Variants in ACIN1 observed in about 807,000 individuals in gnomAD.
ACIN1 encodes the protein apoptotic chromatin condensation inducer 1.
Under a neutral mutation model 146.6 loss-of-function variants are expected in ACIN1, and 16 were observed. That is an observed-to-expected ratio of 0.11 (90% CI 0.07 to 0.17). ACIN1 has a LOEUF of 0.17. Among genes scored for constraint, ACIN1 ranks in the 10% least tolerant of loss-of-function variants. The pLI is 1.00. For missense variants in ACIN1, 1,357 were observed against 1,609.3 expected (o/e 0.84, Z 2.68); for synonymous variants, 569 against 582.7 (o/e 0.98, Z 0.34).
chr14:23,094,886 G>C (rs1021269460), intron 1 of ACIN1, 89 bp downstream of exon 1: 1 of 1,488,502 alleles, frequency 6.7e-7, no homozygotes, highest in Non-Finnish European at 8.9e-7. Context: ...AGCTCGCGCC[G>C]AGCCCGGATA....
At chr14:23,076,899 A>C (rs953479319) in intron 8 of ACIN1, among the ~76,000 whole-genome samples, 9 of 152,212 alleles carry the variant, frequency 5.9e-5, no homozygotes, top group Non-Finnish European at 1.2e-4. Flanking sequence ...CTGAGTTTTC[A>C]CTTTATGGTC....
rs869139736 is a variant in ACIN1, at chr14:23,066,026, A to AG, written c.2266-19dup. The AG allele has an allele frequency of 1.2e-6, 2 of 1,611,526 alleles. No homozygotes were observed. Among genetic ancestry groups the AG allele is most frequent in the Non-Finnish European group, 1.7e-6 (2 of 1,177,972 alleles). ...AGCGAGCTCTGTATGAAGAAGAAAA[A>AG]GGGGAAAAAAAAGAGAAAGAGAGAC... On this transcript the variant is annotated intron_variant, in intron 9 of 18. Transcript: ENST00000605057.
At chr14:23,077,192 G>T (rs550688539) in intron 8 of ACIN1, among the ~76,000 whole-genome samples, 1 of 152,194 alleles carries the variant, frequency 6.6e-6, no homozygotes, top group Non-Finnish European at 1.5e-5. Context: ...CCAAAAGTCA[G>T]AGTTAAAGTA....
rs1030604056 is a variant in ACIN1, at chr14:23,062,213, C to A, written c.3054G>T (p.Gln1018His). The A allele has an allele frequency of 1.9e-6, 3 of 1,613,954 alleles. No individual in the cohort carries two copies. The highest frequency in any genetic ancestry group is 8.5e-7 in the Non-Finnish European group (1 of 1,180,028). ...RTALHGVKWP[Q>H]SNPKFLCADY... ...CAGCACAAAGGAATTTGGGATTGGA[C>A]TGGGGCCATTTGACCCCGTGCAGAG... The change falls in exon 16 of 19, where the codon CAG (glutamine) becomes CAT (histidine). Residue 1018 changes from glutamine to histidine, a missense_variant. By Grantham distance (24) the Gln-to-His change is conservative (BLOSUM62 0). Around this residue, in one of 4 missense-constraint regions of ACIN1, gnomAD observed 509 missense variants for 719.6 expected, o/e 0.71. Coordinates refer to ENST00000605057, the MANE Select transcript of ACIN1 (RefSeq NM_001386863.1).
Position 23,078,256 on chromosome 14 carries a change from T to G in ACIN1, c.2018A>C (p.Lys673Thr), listed in dbSNP as rs2047851171. The G allele has an allele frequency of 1.2e-6, 2 of 1,614,022 alleles. No homozygotes were observed. Among genetic ancestry groups the G allele is most frequent in the Non-Finnish European group, 1.7e-6 (2 of 1,179,998 alleles). ...CTCTGCCTCTTCAGCTTCACACTTC[T>G]TTGGGCTCCCCTGTCAGGAGATAGC... ...QRLQPERGSP[K>T]KCEAEEAEPP... Residue 673 changes from lysine to threonine, a missense_variant, in exon 8 of 19, where the codon AAG (lysine) becomes ACG (threonine). Lys to Thr is a moderately conservative substitution (Grantham distance 78, BLOSUM62 -1). This residue lies in a region of ACIN1 where 771 missense variants were observed against 746.6 expected (regional missense o/e 1.03). Transcript: ENST00000605057.
chr14:23,064,197 C>T lies in ACIN1; in HGVS notation c.2503G>A (p.Asp835Asn). ...GQEAVVDLHA[D>N]DSRISEDETE... ...TCATCCTCAGAGATGCGAGAGTCAT[C>T]AGCATGAAGATCCACAACAGCCTCC... The change falls in exon 12 of 19, where the codon GAT becomes AAT. Residue 835 changes from aspartate to asparagine, a missense_variant. Around this residue, in one of 4 missense-constraint regions of ACIN1, gnomAD observed 509 missense variants for 719.6 expected, o/e 0.71. Transcript: ENST00000605057. 1.2e-6 allele frequency: 2 copies of T among 1,614,188 alleles called. No individual in the cohort carries two copies. Among genetic ancestry groups the T allele is most frequent in the Non-Finnish European group, 1.7e-6 (2 of 1,180,042 alleles).
intron 9 of ACIN1, chr14:23,069,183 A>C: frequency 9.1e-7 from 1 of 1,100,832 alleles, no homozygotes; most frequent in Non-Finnish European, 1.1e-6. Flanking sequence ...GAAAAGCTGA[A>C]CATAAATCTT....
intron 8 of ACIN1, chr14:23,071,724 A>C: frequency 1.6e-6 from 1 of 631,350 alleles, no homozygotes; most frequent in Non-Finnish European, 2.6e-6. Context: ...TTCTCAAGTT[A>C]CAGCAGCTAC....
chr14:23,086,763 C>T (rs998158356), intron 4 of ACIN1, among the ~76,000 whole-genome samples: 2 of 152,160 alleles, frequency 1.3e-5, no homozygotes, highest in Non-Finnish European at 2.9e-5. Context: ...GTGTGAGACA[C>T]CACACCTGGA....
At chr14:23,082,437 ATT>A (rs11378976) in intron 4 of ACIN1, among the ~76,000 whole-genome samples, 27 of 95,808 alleles carry the variant, frequency 2.8e-4, no homozygotes, top group Non-Finnish European at 4.0e-4. Flanking sequence ...AGAGCTCAAT[ATT>A]TTTTTTTTTT....
Position 23,067,345 on chromosome 14 carries a change from A to C in ACIN1, c.2266-1337T>G, listed in dbSNP as rs566733128. 1.3e-3 allele frequency: 1,329 copies of C among 985,640 alleles called. 3 individuals are homozygous for C. Among genetic ancestry groups the C allele is most frequent in the Non-Finnish European group, 1.5e-3 (1,249 of 829,910 alleles). The allele number at this position is 985,640 out of a possible 1,614,324, so 61.1% of individuals were successfully genotyped here. ...TCTTCAGTTCAGCCAATCGCACCTC[A>C]CTGTGTACTGTATCTAGTCAACCGC... On this transcript the variant is annotated intron_variant, in intron 9 of 18. Transcript: ENST00000605057. This position sits in a 1 kb window ranked among gnomAD's most constrained non-coding sequence, Gnocchi z 4.6.
chr14:23,068,808 AC>A lies in ACIN1; in HGVS notation c.2265+667del. ...ACACAACAGTCCCTCCCACCTTGTT[AC>A]CCCTCTCCTAAACCCAGCTCATTCT... On this transcript the variant is annotated intron_variant, in intron 9 of 18. Coordinates refer to ENST00000605057, the MANE Select transcript of ACIN1 (RefSeq NM_001386863.1). This position sits in a 1 kb window ranked among gnomAD's most constrained non-coding sequence, Gnocchi z 4.3. 1 of 985,366 alleles carries A rather than the reference AC, an allele frequency of 1.0e-6. No homozygotes were observed. Among genetic ancestry groups the A allele is most frequent in the Middle Eastern group, 5.2e-4 (1 of 1,916 alleles). The allele number at this position is 985,366 out of a possible 1,614,324, so 61.0% of individuals were successfully genotyped here. A position where few individuals can be genotyped will look rare whatever the true frequency, so the allele number is the denominator to read the frequency against.
Position 23,062,603 on chromosome 14 carries a change from A to C in ACIN1, c.2884-80T>G, listed in dbSNP as rs577483301. ...TCTTTAGATTTCCCGAGCTGCTGTC[A>C]CAGGAGTATAGTTTCAAGGTTTGGG... On this transcript the variant is annotated intron_variant, in intron 14 of 18. Transcript: ENST00000605057. 1.8e-4 allele frequency: 241 copies of C among 1,335,246 alleles called. 1 individual carries two copies. In the East Asian group the frequency reaches 2.8e-3, roughly 16 times the overall value. The allele number at this position is 1,335,246 out of a possible 1,614,324, so 82.7% of individuals were successfully genotyped here. A position where few individuals can be genotyped will look rare whatever the true frequency, so the allele number is the denominator to read the frequency against.
chr14:23,080,863 G>A (rs1362438605), intron 5 of ACIN1, 54 bp from the exon 6 acceptor site: 4 of 1,530,106 alleles, frequency 2.6e-6, no homozygotes, highest in South Asian at 1.3e-5. Context: ...AGTCAACAGA[G>A]GAGAGAAAGT....
Position 23,069,516 on chromosome 14 carries a change from T to G in ACIN1, c.2225A>C (p.Asp742Ala), listed in dbSNP as rs1434722456. 2 of 1,614,076 alleles carry G rather than the reference T, an allele frequency of 1.2e-6. No homozygotes were observed. The highest frequency in any genetic ancestry group is 1.7e-6 in the Non-Finnish European group (2 of 1,179,974). ...ATCTTCAACACTGCCCTCCGGGCGG[T>G]CATCATTGCTGACTTGGTCTGCAAT... ...MPIADQVSND[D>A]RPEGSVEDEE... The change falls in exon 9 of 19, where the codon GAC becomes GCC. Residue 742 changes from aspartate to alanine, a missense_variant. Physicochemically the swap from Asp to Ala is moderately radical, Grantham distance 126 (BLOSUM62 -2). This residue lies in a region of ACIN1 where 771 missense variants were observed against 746.6 expected (regional missense o/e 1.03). Coordinates refer to ENST00000605057, the MANE Select transcript of ACIN1 (RefSeq NM_001386863.1).
At chr14:23,093,819 T>C (rs945223271) in intron 1 of ACIN1, among the ~76,000 whole-genome samples, 2 of 152,188 alleles carry the variant, frequency 1.3e-5, no homozygotes, top group African/African-American at 2.4e-5. Flanking sequence ...ATATCAGTAA[T>C]AGAACCAGTA....
At chr14:23,060,889 C>G (rs1419074468) in intron 18 of ACIN1, among the ~76,000 whole-genome samples, 195 bp downstream of exon 18, 1 of 152,264 alleles carries the variant, frequency 6.6e-6, no homozygotes, top group African/African-American at 2.4e-5. Flanking sequence ...ATCTGCGTGT[C>G]TATCTTTACC....
intron 8 of ACIN1, among the ~76,000 whole-genome samples, chr14:23,074,480 G>A (rs888457882): frequency 6.6e-6 from 1 of 152,010 alleles, no homozygotes; most frequent in Non-Finnish European, 1.5e-5. Flanking sequence ...CATGATAATT[G>A]CTTGAACCCA....
rs1488059493 is a variant in ACIN1 at position 23,064,041 on chromosome 14, C to T, written c.2595+64G>A. 4 of 1,594,666 alleles carry T rather than the reference C, an allele frequency of 2.5e-6. No individual in the cohort carries two copies. In the African/African-American group the frequency reaches 4.0e-5, roughly 16 times the overall value. The stretch of plus-strand genomic sequence containing the variant: ...CTCCAAAGACTTTATCTCAGCTCCT[C>T]AGCTAGCTGCTCTGCATCTACTGCT... On this transcript the variant is annotated intron_variant, in intron 12 of 18. Coordinates refer to ENST00000605057, the MANE Select transcript of ACIN1 (RefSeq NM_001386863.1).
Sources: allele counts gnomAD v4.1 joint callset (sites outside exome capture counted in the v4.1 genomes callset), GRCh38; gene constraint gnomAD v4.1.1; regional missense constraint gnomAD v4.1.1; non-coding constraint Gnocchi (gnomAD v3.1); transcripts MANE v1.5; gene names NCBI Gene and HGNC (gene_info 2026-07-23, HGNC 2026-07-21).